Variants in FAF1 observed in about 807,000 individuals in gnomAD.
FAF1 encodes the protein Fas associated factor 1.
In FAF1, 25 loss-of-function variants were observed where a neutral mutation model predicts 92.5. That is an observed-to-expected ratio of 0.27 (90% CI 0.20 to 0.38). The LOEUF (loss-of-function observed/expected upper bound fraction) is 0.38. Ranked by LOEUF, FAF1 falls within the 10% of genes least tolerant of loss-of-function variation. FAF1 has a pLI of 1.00. For missense variants in FAF1, 636 were observed against 793.3 expected, an observed-to-expected ratio of 0.80 and a Z score of 2.38; for synonymous variants, 234 against 273.2, an observed-to-expected ratio of 0.86 and a Z score of 1.42.
At chr1:50,917,694 GA>G (rs1253130210) in intron 1 of FAF1, among the ~76,000 whole-genome samples, 2 of 129,082 alleles carry the variant, frequency 1.5e-5, no homozygotes, top group African/African-American at 5.5e-5. Context: ...GAAAGGAAAG[GA>G]AAGGAAAAGA....
At chr1:50,837,807 G>A (rs576971311) in intron 2 of FAF1, among the ~76,000 whole-genome samples, 2 of 151,222 alleles carry the variant, frequency 1.3e-5, no homozygotes, top group East Asian at 3.9e-4. Flanking sequence ...GCAGTGGCGT[G>A]ACCTCAGCTC....
intron 18 of FAF1, among the ~76,000 whole-genome samples, chr1:50,451,556 T>C (rs1263997079): frequency 2.6e-5 from 4 of 152,208 alleles, no homozygotes; most frequent in African/African-American, 9.7e-5. Context: ...TATTTTAGTA[T>C]TGTAGTCATG....
chr1:50,457,428 A>G lies in FAF1; in HGVS notation c.1870-15905T>C, dbSNP rs1646366326. Among the ~76,000 whole-genome samples, 4 of 152,212 alleles carry G rather than the reference A, an allele frequency of 2.6e-5. No homozygotes were observed. In the South Asian group the frequency reaches 8.3e-4, roughly 31 times the overall value. ...GTCTAGAAAAGGTTAATCTGCGCACATACACATTTGCAGTTGTTTGTGTTT... is the reference window on the plus strand; with the variant it reads ...GTCTAGAAAAGGTTAATCTGCGCACGTACACATTTGCAGTTGTTTGTGTTT... On this transcript the variant is annotated intron_variant, in intron 18 of 18. Coordinates refer to ENST00000396153, the MANE Select transcript of FAF1 (RefSeq NM_007051.3).
intron 13 of FAF1, among the ~76,000 whole-genome samples, chr1:50,540,137 A>AT (rs542849252): frequency 1.5e-3 from 225 of 151,574 alleles, no homozygotes; most frequent in African/African-American, 4.8e-3. Flanking sequence ...CACCTGGCTA[A>AT]TTTTTTTTGT....
chr1:50,891,926 C>G (rs1289670779), intron 1 of FAF1, among the ~76,000 whole-genome samples: 5 of 152,166 alleles, frequency 3.3e-5, no homozygotes, highest in African/African-American at 4.8e-5. Context: ...TTTCTGCTGC[C>G]TTTTGTTCAG....
chr1:50,470,718 C>A (rs999294815), intron 18 of FAF1: 2 of 152,206 alleles, frequency 1.3e-5, no homozygotes, highest in Non-Finnish European at 2.9e-5. Context: ...CAGATATTAT[C>A]ATTTCTCTTT....
intron 1 of FAF1, among the ~76,000 whole-genome samples, chr1:50,928,123 T>C (rs1166571555): frequency 6.6e-6 from 1 of 152,214 alleles, no homozygotes; most frequent in Non-Finnish European, 1.5e-5. Flanking sequence ...GTCACCTGCC[T>C]AGTAAGTGAG....
At chr1:50,955,894 C>T (rs1035693828) in intron 1 of FAF1, among the ~76,000 whole-genome samples, 5 of 152,068 alleles carry the variant, frequency 3.3e-5, no homozygotes, top group African/African-American at 4.8e-5. Context: ...CAAAAAAGGG[C>T]AAATACTCTA....
intron 1 of FAF1, among the ~76,000 whole-genome samples, chr1:50,883,199 A>C (rs12748999): frequency 0.056 from 8,485 of 152,188 alleles, 345 homozygotes; most frequent in Non-Finnish European, 0.087. Context: ...GACAATCTGA[A>C]CATCAAAAAT....
At chr1:50,624,947 G>T (rs1021218309) in intron 8 of FAF1, among the ~76,000 whole-genome samples, 3 of 147,442 alleles carry the variant, frequency 2.0e-5, no homozygotes, top group African/African-American at 7.7e-5. Context: ...TGTTGCCCAG[G>T]CTGGAGTGCA....
At chr1:50,919,753 G>A (rs747587062) in intron 1 of FAF1, among the ~76,000 whole-genome samples, 8 of 152,084 alleles carry the variant, frequency 5.3e-5, no homozygotes, top group Admixed American at 2.0e-4. Flanking sequence ...TTTTACAGGC[G>A]TGAGCCACCG....
At chr1:50,738,115 A>G (rs1659213928) in intron 6 of FAF1, among the ~76,000 whole-genome samples, 1 of 152,194 alleles carries the variant, frequency 6.6e-6, no homozygotes, top group South Asian at 2.1e-4. Context: ...TGAAAAAACA[A>G]TGAGACCCTC....
At chr1:50,793,587 CG>C (rs1661640667) in intron 3 of FAF1, among the ~76,000 whole-genome samples, 2 of 152,072 alleles carry the variant, frequency 1.3e-5, no homozygotes, top group South Asian at 4.1e-4. Context: ...AGGACTGTAA[CG>C]TAAGAAGGGA....
chr1:50,623,585 AAAAG>A (rs887425659), intron 8 of FAF1, among the ~76,000 whole-genome samples: 35 of 151,708 alleles, frequency 2.3e-4, no homozygotes, highest in African/African-American at 4.6e-4. Flanking sequence ...GAAAAAAAAA[AAAAG>A]AAAGAAAGAA....
At chr1:50,648,436 G>A (rs1216249171) in intron 8 of FAF1, among the ~76,000 whole-genome samples, 4 of 152,172 alleles carry the variant, frequency 2.6e-5, no homozygotes, top group Admixed American at 1.3e-4. Flanking sequence ...CACATATGGT[G>A]TAATATTCAA....
intron 1 of FAF1, among the ~76,000 whole-genome samples, chr1:50,884,303 C>T (rs1255078831): frequency 6.6e-6 from 1 of 151,624 alleles, no homozygotes; most frequent in East Asian, 1.9e-4. Context: ...TCACTTGAGG[C>T]CAGGGGTTCA....
chr1:50,614,839 CAA>C (rs1295301237), intron 8 of FAF1, among the ~76,000 whole-genome samples: 21 of 46,800 alleles, frequency 4.5e-4, no homozygotes, highest in Admixed American at 4.3e-4. Context: ...AACTCCGTCT[CAA>C]AAAAAAAAAA....
chr1:50,689,261 T>A (rs1166442689), intron 7 of FAF1, among the ~76,000 whole-genome samples: 1 of 152,122 alleles, frequency 6.6e-6, no homozygotes, highest in Non-Finnish European at 1.5e-5. Flanking sequence ...ATAGCAATTC[T>A]ACTCCTAGAT....
intron 6 of FAF1, among the ~76,000 whole-genome samples, chr1:50,735,742 G>T (rs547789154): frequency 6.6e-6 from 1 of 152,174 alleles, no homozygotes; most frequent in South Asian, 2.1e-4. Flanking sequence ...TAGAGACAGG[G>T]TCTTGCTCTA....
Sources: gnomAD v4.1 joint callset for allele counts (sites outside exome capture counted in the v4.1 genomes callset) on GRCh38, gnomAD v4.1.1 for gene constraint, MANE v1.5 for transcripts, NCBI Gene and HGNC (gene_info 2026-07-23, HGNC 2026-07-21) for gene names.